Variants in KDM4C observed in about 807,000 individuals in gnomAD.
The protein encoded by KDM4C is lysine-specific demethylase 4C.
Under a neutral mutation model 129.3 loss-of-function variants are expected in KDM4C, and 81 were observed. The ratio of observed to expected loss-of-function variants is 0.63; its 90% CI spans 0.52 to 0.75. The LOEUF (loss-of-function observed/expected upper bound fraction) is 0.75. Ranked by LOEUF, KDM4C falls within the 30% of genes least tolerant of loss-of-function variation. The pLI is 0.00. For missense variants in KDM4C, 1,457 were observed against 1,304.0 expected (o/e 1.12, Z -1.81); for synonymous variants, 573 against 456.1 (o/e 1.26, Z -3.26).
intron 17 of KDM4C, among the ~76,000 whole-genome samples, chr9:7,096,777 G>T (rs535844630): frequency 2.4e-4 from 36 of 152,236 alleles, no homozygotes; most frequent in African/African-American, 8.7e-4. Flanking sequence ...TGATTTTCTG[G>T]GTGGTCTGGT....
At chr9:7,055,246 G>A (rs1378291227) in intron 17 of KDM4C, among the ~76,000 whole-genome samples, 2 of 152,200 alleles carry the variant, frequency 1.3e-5, no homozygotes, top group Admixed American at 1.3e-4. Context: ...TCACAGTGGT[G>A]TAGCACAGTG....
At chr9:7,174,440 C>A in intron 21 of KDM4C, 113 bp from the exon 22 acceptor site, 2 of 952,450 alleles carry the variant, frequency 2.1e-6, no homozygotes, top group South Asian at 1.5e-5. Context: ...TTAGCCTGAG[C>A]TGGTGACCTG....
At chr9:7,028,797 A>C (rs1041692357) in intron 15 of KDM4C, among the ~76,000 whole-genome samples, 1 of 152,164 alleles carries the variant, frequency 6.6e-6, no homozygotes, top group African/African-American at 2.4e-5. Context: ...CTCTGTGGGC[A>C]GGCGCCAGGT....
intron 2 of KDM4C, among the ~76,000 whole-genome samples, chr9:6,803,238 A>G (rs938704888): frequency 6.6e-6 from 1 of 152,078 alleles, no homozygotes; most frequent in Non-Finnish European, 1.5e-5. Flanking sequence ...GTGATTATGC[A>G]TTTTCTACAT....
At chr9:6,786,404 A>G (rs1318104709) in intron 1 of KDM4C, among the ~76,000 whole-genome samples, 3 of 152,202 alleles carry the variant, frequency 2.0e-5, no homozygotes, top group African/African-American at 4.8e-5. Context: ...CTTGCTATAA[A>G]TATCGTTTTT....
chr9:6,882,403 T>C (rs544306857), intron 6 of KDM4C, among the ~76,000 whole-genome samples: 21 of 152,332 alleles, frequency 1.4e-4, no homozygotes, highest in African/African-American at 4.6e-4. Context: ...TGCTGTTATA[T>C]TAAGTTAGGT....
chr9:7,048,802 C>G (rs1187739692), intron 16 of KDM4C, among the ~76,000 whole-genome samples: 2 of 152,082 alleles, frequency 1.3e-5, no homozygotes, highest in African/African-American at 4.8e-5. Flanking sequence ...AAGAAACCCA[C>G]ATTTCAGTAT....
At chr9:7,050,749 A>T (rs935434817) in intron 17 of KDM4C, among the ~76,000 whole-genome samples, 2 of 152,138 alleles carry the variant, frequency 1.3e-5, no homozygotes, top group Non-Finnish European at 2.9e-5. Context: ...TGGCTTCTCT[A>T]GTCCATAAGT....
intron 15 of KDM4C, among the ~76,000 whole-genome samples, chr9:7,022,637 C>CTTT (rs375675040): frequency 0.13 from 16,850 of 133,676 alleles, 1,307 homozygotes; most frequent in African/African-American, 0.19. Flanking sequence ...CCCTTTATTT[C>CTTT]TTTTTTTTTT....
At chr9:6,832,375 A>C (rs1466673887) in intron 4 of KDM4C, among the ~76,000 whole-genome samples, 1 of 150,784 alleles carries the variant, frequency 6.6e-6, no homozygotes, top group Non-Finnish European at 1.5e-5. Flanking sequence ...AAGGGGCTTA[A>C]TAGTCTAGAA....
chr9:6,873,810 T>C (rs559832690), intron 5 of KDM4C, among the ~76,000 whole-genome samples: 17 of 152,198 alleles, frequency 1.1e-4, no homozygotes, highest in African/African-American at 3.6e-4. Context: ...TATCTTAGCT[T>C]TCAAAATGCC....
At chr9:6,919,656 A>G (rs931504816) in intron 8 of KDM4C, among the ~76,000 whole-genome samples, 2 of 151,268 alleles carry the variant, frequency 1.3e-5, no homozygotes, top group African/African-American at 4.9e-5. Flanking sequence ...GCTCCCTGCA[A>G]TCTCCGCCTC....
At chr9:6,769,391 A>G (rs1259894681) in intron 1 of KDM4C, among the ~76,000 whole-genome samples, 1 of 151,906 alleles carries the variant, frequency 6.6e-6, no homozygotes, top group Non-Finnish European at 1.5e-5. Flanking sequence ...CCTAGCAAAG[A>G]GGTCAGTTAT....
intron 17 of KDM4C, among the ~76,000 whole-genome samples, chr9:7,085,376 C>T (rs1426572621): frequency 1.3e-5 from 2 of 152,176 alleles, no homozygotes; most frequent in Non-Finnish European, 2.9e-5. Flanking sequence ...TTCAAAGAGC[C>T]AGTGTGCTGT....
chr9:6,749,343 A>T (rs978061789), intron 1 of KDM4C, among the ~76,000 whole-genome samples: 14 of 152,050 alleles, frequency 9.2e-5, no homozygotes, highest in Admixed American at 8.5e-4. Flanking sequence ...AGGTGTCAGG[A>T]TATCAATAGA....
intron 21 of KDM4C, 68 bp downstream of exon 21, chr9:7,169,958 A>C (rs1226297207): frequency 3.1e-6 from 5 of 1,607,534 alleles, no homozygotes; most frequent in Non-Finnish European, 4.2e-6. Context: ...CATGTTTCCC[A>C]AGCCCAGCAG....
At chr9:7,008,600 C>G (rs1341441958) in intron 12 of KDM4C, among the ~76,000 whole-genome samples, 1 of 152,212 alleles carries the variant, frequency 6.6e-6, no homozygotes, top group Non-Finnish European at 1.5e-5. Flanking sequence ...CCAACTCCCA[C>G]AGACCAAACA....
intron 4 of KDM4C, among the ~76,000 whole-genome samples, chr9:6,819,502 A>G (rs918396309): frequency 2.6e-5 from 4 of 152,180 alleles, no homozygotes; most frequent in Non-Finnish European, 5.9e-5. Flanking sequence ...ATTTTATAGA[A>G]TTTCTGCAGG....
At chr9:7,145,264 T>C (rs12335888) in intron 19 of KDM4C, among the ~76,000 whole-genome samples, 7,554 of 152,300 alleles carry the variant, frequency 0.05, 273 homozygotes, top group South Asian at 0.14. Context: ...ATATTCTCTA[T>C]GCTTTGGTGA....
Sources: allele counts gnomAD v4.1 joint callset (sites outside exome capture counted in the v4.1 genomes callset), GRCh38; gene constraint gnomAD v4.1.1; transcripts MANE v1.5; gene names NCBI Gene and HGNC (gene_info 2026-07-23, HGNC 2026-07-21).